L2HGDH: variants seen among roughly 807,000 people sequenced by gnomAD.
The protein encoded by L2HGDH is L-2-hydroxyglutarate dehydrogenase, also known as L-2-hydroxyglutarate dehydrogenase, mitochondrial.
A neutral mutation model predicts 51.5 loss-of-function variants in L2HGDH; 34 were observed. The observed-to-expected ratio is 0.66, with a 90% CI of 0.50 to 0.88. L2HGDH has a LOEUF of 0.88. Ranked by LOEUF, L2HGDH falls within the 40% of genes least tolerant of loss-of-function variation. The probability of loss-of-function intolerance (pLI) is 0.00; values close to 1 mark genes in which losing one functional copy is unlikely to be tolerated. For synonymous variants in L2HGDH, 198 were observed against 197.9 expected, an observed-to-expected ratio of 1.00 and a Z score of -0.01; for missense variants, 558 against 571.9, an observed-to-expected ratio of 0.98 and a Z score of 0.25.
chr14:50,250,060 C>T (rs989866530), intron 9 of L2HGDH, among the ~76,000 whole-genome samples: 1 of 152,040 alleles, frequency 6.6e-6, no homozygotes, highest in Non-Finnish European at 1.5e-5. Flanking sequence ...CTCCACCACG[C>T]CCAGCTGATT....
At chr14:50,261,033 C>T (rs1324864744) in intron 9 of L2HGDH, among the ~76,000 whole-genome samples, 3 of 152,008 alleles carry the variant, frequency 2.0e-5, no homozygotes, top group African/African-American at 7.3e-5. Context: ...AGGAGAATCG[C>T]TTGAACCCGG....
At chr14:50,254,786 C>T (rs1888562531) in intron 9 of L2HGDH, among the ~76,000 whole-genome samples, 1 of 151,984 alleles carries the variant, frequency 6.6e-6, no homozygotes, top group South Asian at 2.1e-4. Flanking sequence ...TGCTTGTAAT[C>T]CTAGAACTTT....
intron 9 of L2HGDH, 36 bp downstream of exon 9, chr14:50,265,322 A>G (rs1240590881): frequency 6.3e-7 from 1 of 1,578,312 alleles, no homozygotes; most frequent in South Asian, 1.1e-5. Flanking sequence ...CACATAGGTC[A>G]GGACTGTATT....
intron 9 of L2HGDH, among the ~76,000 whole-genome samples, chr14:50,261,310 A>T (rs1889006291): frequency 6.6e-6 from 1 of 152,244 alleles, no homozygotes; most frequent in South Asian, 2.1e-4. Context: ...CTATGAAAAC[A>T]TCTTGCCTGA....
At position 50,243,575 on chromosome 14, in the gene L2HGDH, A is replaced by T. The variant is rs148981915; in HGVS notation, c.*3483T>A. 1.2e-6 allele frequency: 1 copy of T among 800,964 alleles called. No individual in the cohort carries two copies. The highest frequency in any genetic ancestry group is 1.3e-4 in the East Asian group (1 of 7,972). 49.6% of individuals were successfully genotyped at this position (800,964 alleles called of 1,614,324 possible). On this transcript the variant is annotated 3_prime_UTR_variant, in exon 10 of 10. Transcript: ENST00000267436. ...AGTATTAAACAAAAAAACCCTATTG[A>T]CATACATATAAAACGTTTTACAAGC... is the stretch of plus-strand genomic sequence containing the variant.
intron 9 of L2HGDH, among the ~76,000 whole-genome samples, chr14:50,262,588 AG>A (rs1889096394): frequency 1.3e-5 from 2 of 152,106 alleles, no homozygotes; most frequent in South Asian, 4.2e-4. Flanking sequence ...AGAACTCTCA[AG>A]ATCCCATTCT....
chr14:50,254,113 G>C (rs1025532481), intron 9 of L2HGDH, among the ~76,000 whole-genome samples: 2 of 151,956 alleles, frequency 1.3e-5, no homozygotes, highest in African/African-American at 4.8e-5. Context: ...AAATGAATAA[G>C]ACCTAGTATT....
chr14:50,278,353 A>C (rs1890084779), intron 6 of L2HGDH, among the ~76,000 whole-genome samples, 167 bp downstream of exon 6: 2 of 152,052 alleles, frequency 1.3e-5, no homozygotes, highest in African/African-American at 4.8e-5. Context: ...CCAAGTTGAA[A>C]CCCTCCTTAG....
At chr14:50,261,343 C>A (rs942555449) in intron 9 of L2HGDH, among the ~76,000 whole-genome samples, 3 of 152,212 alleles carry the variant, frequency 2.0e-5, no homozygotes, top group African/African-American at 4.8e-5. Flanking sequence ...GAATTCCCCA[C>A]AGAAGACATT....
In L2HGDH at chr14:50,293,578, T is replaced by C. The variant is rs28454834; in HGVS notation, c.540+537A>G. On this transcript the variant is annotated intron_variant, in intron 4 of 9. Transcript: ENST00000267436. ...ATAACATTAAGAATTTCTGTTAATC[T>C]GAAGACAATATTAAGAAAGTGAAAT... Among the ~76,000 whole-genome samples the C allele has an allele frequency of 6.8e-3, 1,030 of 152,286 alleles. 16 individuals are homozygous for C. Among genetic ancestry groups the C allele is most frequent in the African/African-American group, 0.024 (995 of 41,556 alleles).
At chr14:50,309,687 C>CT (rs1826429964) in intron 1 of L2HGDH, among the ~76,000 whole-genome samples, 3 of 111,638 alleles carry the variant, frequency 2.7e-5, no homozygotes, top group African/African-American at 3.4e-5. Context: ...TTTATACCAC[C>CT]CTTTTTTTTT....
intron 9 of L2HGDH, among the ~76,000 whole-genome samples, chr14:50,249,776 G>T (rs543758394): frequency 7.3e-5 from 11 of 150,010 alleles, no homozygotes; most frequent in Non-Finnish European, 8.9e-5. Flanking sequence ...GAAAAGCAGA[G>T]ATAAAAGTAA....
chr14:50,243,022 C>T lies in L2HGDH; in HGVS notation c.*4036G>A. ...GGCCTGGCAGTATACCCCATTCTCACCACCATCCTTTGAAGAAAGTTCTAA... is the reference window on the plus strand; with the variant it reads ...GGCCTGGCAGTATACCCCATTCTCATCACCATCCTTTGAAGAAAGTTCTAA... On this transcript the variant is annotated 3_prime_UTR_variant, in exon 10 of 10. Transcript: ENST00000267436. 1 of 985,432 alleles carries T rather than the reference C, an allele frequency of 1.0e-6. No homozygotes were observed. The highest frequency in any genetic ancestry group is 4.7e-5 in the South Asian group (1 of 21,286). 61.0% of individuals were successfully genotyped at this position (985,432 alleles called of 1,614,324 possible).
intron 1 of L2HGDH, among the ~76,000 whole-genome samples, chr14:50,308,812 G>A (rs932275449): frequency 1.3e-5 from 2 of 152,224 alleles, no homozygotes; most frequent in African/African-American, 4.8e-5. Context: ...GAACATGAAT[G>A]TTCATAGTAG....
rs2139916209 is a variant in L2HGDH at position 50,244,452 on chromosome 14, C to T, written c.*2606G>A. 9 of 985,110 alleles carry T rather than the reference C, an allele frequency of 9.1e-6. No individual in the cohort carries two copies. The highest frequency in any genetic ancestry group is 1.1e-4 in the East Asian group (1 of 8,818). The allele number at this position is 985,110 out of a possible 1,614,324, so 61.0% of individuals were successfully genotyped here. On this transcript the variant is annotated 3_prime_UTR_variant, in exon 10 of 10. Coordinates refer to ENST00000267436, the MANE Select transcript of L2HGDH (RefSeq NM_024884.3). ...GTTTACAACTTAGTATGTATGCAATCGTACTACTGACAAAATACAGAATGA... is the reference window on the plus strand; with the variant it reads ...GTTTACAACTTAGTATGTATGCAATTGTACTACTGACAAAATACAGAATGA...
intron 9 of L2HGDH, among the ~76,000 whole-genome samples, chr14:50,249,216 A>G (rs943432763): frequency 3.9e-5 from 6 of 152,160 alleles, no homozygotes; most frequent in Non-Finnish European, 8.8e-5. Flanking sequence ...GGTCCTAGAT[A>G]AACTTGAAAT....
chr14:50,295,590 T>TC (rs1282159930), intron 3 of L2HGDH, among the ~76,000 whole-genome samples: 1 of 144,310 alleles, frequency 6.9e-6, no homozygotes, highest in Admixed American at 6.9e-5. Context: ...TTTTTTTTTT[T>TC]TTTTTTTTTT....
At chr14:50,260,056 G>T (rs954713676) in intron 9 of L2HGDH, among the ~76,000 whole-genome samples, 2 of 152,026 alleles carry the variant, frequency 1.3e-5, no homozygotes, top group Admixed American at 1.3e-4. Context: ...TACTTTTTCA[G>T]TTAATTTGTT....
In L2HGDH at chr14:50,244,955, G is replaced by T. The variant is rs1887935130; in HGVS notation, c.*2103C>A. ...TCAGTACTCAAAGTTCTGCAGTCAG[G>T]TCGCCACATTTTCATTTACAATTTC... On this transcript the variant is annotated 3_prime_UTR_variant, in exon 10 of 10. Transcript: ENST00000267436. 1 of 985,384 alleles carries T rather than the reference G, an allele frequency of 1.0e-6. No individual in the cohort carries two copies. Among genetic ancestry groups the T allele is most frequent in the Non-Finnish European group, 1.2e-6 (1 of 829,898 alleles). The allele number at this position is 985,384 out of a possible 1,614,324, so 61.0% of individuals were successfully genotyped here.
Sources: gnomAD v4.1 joint callset for allele counts (sites outside exome capture counted in the v4.1 genomes callset) on GRCh38, gnomAD v4.1.1 for gene constraint, MANE v1.5 for transcripts, NCBI Gene and HGNC (gene_info 2026-07-23, HGNC 2026-07-21) for gene names.